Variants in MYO1D observed in about 807,000 individuals in gnomAD.
MYO1D encodes unconventional myosin-Id.
MYO1D carries 83 observed loss-of-function variants against 122.0 expected under a neutral mutation model. The observed-to-expected ratio is 0.68, with a 90% CI of 0.57 to 0.82. The LOEUF (loss-of-function observed/expected upper bound fraction) is 0.82. Ranked by LOEUF, MYO1D falls within the 40% of genes least tolerant of loss-of-function variation. The pLI, the probability that MYO1D is intolerant of heterozygous loss-of-function variation, is 0.00. For missense variants in MYO1D, 1,157 were observed against 1,269.5 expected, an observed-to-expected ratio of 0.91 and a Z score of 1.35; for synonymous variants, 464 against 446.9, an observed-to-expected ratio of 1.04 and a Z score of -0.48.
At chr17:32,678,834 A>C (rs2088864191) in intron 16 of MYO1D, among the ~76,000 whole-genome samples, 1 of 151,082 alleles carries the variant, frequency 6.6e-6, no homozygotes, top group Non-Finnish European at 1.5e-5. Flanking sequence ...GAATTGCCAC[A>C]CTGACTTCCA....
At chr17:32,823,218 G>C (rs1311651759) in intron 1 of MYO1D, among the ~76,000 whole-genome samples, 1 of 152,042 alleles carries the variant, frequency 6.6e-6, no homozygotes, top group East Asian at 1.9e-4. Context: ...GTTGGAGGTG[G>C]AGTAACTATC....
At position 32,748,942 on chromosome 17, in the gene MYO1D, T is replaced by A; in HGVS notation, c.1532A>T (p.Asp511Val). 6.2e-7 allele frequency: 1 copy of A among 1,613,122 alleles called. No homozygotes were observed. The highest frequency in any genetic ancestry group is 8.5e-7 in the Non-Finnish European group (1 of 1,179,112). Residue 511 changes from aspartate to valine, a missense_variant, in exon 12 of 22, where the codon GAT (aspartate) becomes GTT (valine). Asp to Val is a radical substitution (Grantham distance 152, BLOSUM62 -3). Coordinates refer to ENST00000318217, the MANE Select transcript of MYO1D (RefSeq NM_015194.3). ...RDFRIRHYAG[D>V]VVYSVIGFID... ...ACCAAGGTAAGATACTCACACTACA[T>A]CGCCTGCATAATGTCGAATTCGAAA... is the stretch of plus-strand genomic sequence containing the variant.
At chr17:32,851,936 C>A (rs2090993210) in intron 1 of MYO1D, among the ~76,000 whole-genome samples, 1 of 152,160 alleles carries the variant, frequency 6.6e-6, no homozygotes, top group African/African-American at 2.4e-5. Context: ...GGGTTGGGAC[C>A]CCTGATCTAC....
At position 32,698,305 on chromosome 17, in the gene MYO1D, TC is replaced by T. The variant is rs1292723110; in HGVS notation, c.2121+13682del. 5.7e-3 allele frequency among the ~76,000 whole-genome samples: 318 copies of T among 55,844 alleles called. 10 individuals are homozygous for T. The highest frequency in any genetic ancestry group is 0.022 in the African/African-American group (291 of 13,528). 36.6% of individuals were successfully genotyped at this position (55,844 alleles called of 152,430 possible). On this transcript the variant is annotated intron_variant, in intron 16 of 21. Coordinates refer to ENST00000318217, the MANE Select transcript of MYO1D (RefSeq NM_015194.3). ...TCCTCCCTCCCTTCCCCCCTCTCCCTCCCCCTTCCCTCCTTCCTTCCTTCTT... is the reference window on the plus strand; with the variant it reads ...TCCTCCCTCCCTTCCCCCCTCTCCCTCCCCTTCCCTCCTTCCTTCCTTCTT...
intron 1 of MYO1D, among the ~76,000 whole-genome samples, chr17:32,795,523 T>C (rs1044694713): frequency 4.6e-5 from 7 of 152,090 alleles, no homozygotes; most frequent in Non-Finnish European, 5.9e-5. Context: ...AAACGTTAAC[T>C]ACTAAGGTCT....
At chr17:32,638,188 A>C (rs148926727) in intron 20 of MYO1D, among the ~76,000 whole-genome samples, 8 of 152,234 alleles carry the variant, frequency 5.3e-5, no homozygotes, top group African/African-American at 9.6e-5. Flanking sequence ...GATACCCACG[A>C]AATTTCGTAT....
intron 19 of MYO1D, 116 bp downstream of exon 19, chr17:32,653,727 C>G: frequency 1.3e-6 from 1 of 783,010 alleles, no homozygotes; most frequent in Non-Finnish European, 2.1e-6. Context: ...GTCTAGTGAA[C>G]TGATGATGAA....
chr17:32,620,284 T>C (rs974837498), intron 20 of MYO1D, among the ~76,000 whole-genome samples: 3 of 152,188 alleles, frequency 2.0e-5, no homozygotes, highest in Non-Finnish European at 4.4e-5. Flanking sequence ...GGTACCTCTT[T>C]ACTGCCAGGT....
At chr17:32,823,459 C>A (rs1270801755) in intron 1 of MYO1D, among the ~76,000 whole-genome samples, 1 of 152,078 alleles carries the variant, frequency 6.6e-6, no homozygotes, top group East Asian at 1.9e-4. Flanking sequence ...TAGCAAGTGG[C>A]TAAGTCTGAA....
At chr17:32,589,890 C>T (rs947253140) in intron 21 of MYO1D, among the ~76,000 whole-genome samples, 1 of 152,216 alleles carries the variant, frequency 6.6e-6, no homozygotes, top group Non-Finnish European at 1.5e-5. Flanking sequence ...TGAGGTTTAA[C>T]ACCTGCCTTT....
intron 21 of MYO1D, among the ~76,000 whole-genome samples, chr17:32,516,546 G>T (rs1909897162): frequency 6.6e-6 from 1 of 152,182 alleles, no homozygotes; most frequent in South Asian, 2.1e-4. Flanking sequence ...TCACCAATTG[G>T]ATTTGAGAGC....
In MYO1D at chr17:32,755,527, T is replaced by C. The variant is rs762595412; in HGVS notation, c.1432A>G (p.Lys478Glu). The part of the protein sequence containing the change: ...DEMFLEALNS[K>E]LGKHAHFSSR... Reference sequence around the variant, plus strand: ...GAAAAATGGGCGTGTTTGCCCAATTTACTGTTAAGTGCTTCAAGAAACATT... The same window carrying C: ...GAAAAATGGGCGTGTTTGCCCAATTCACTGTTAAGTGCTTCAAGAAACATT... Residue 478 changes from lysine to glutamate, a missense_variant, in exon 11 of 22, where the codon AAA becomes GAA. Physicochemically the swap from Lys to Glu is moderately conservative, Grantham distance 56. Coordinates refer to ENST00000318217, the MANE Select transcript of MYO1D (RefSeq NM_015194.3). 1.4e-5 allele frequency: 23 copies of C among 1,613,984 alleles called. No individual in the cohort carries two copies. In the South Asian group the frequency reaches 2.5e-4, roughly 18 times the overall value.
intron 21 of MYO1D, among the ~76,000 whole-genome samples, chr17:32,542,189 T>G (rs1910855589): frequency 6.6e-6 from 1 of 151,984 alleles, no homozygotes; most frequent in East Asian, 1.9e-4. Flanking sequence ...TGAAAAAGAG[T>G]AAGAAATCGA....
At chr17:32,844,142 T>C (rs1047861264) in intron 1 of MYO1D, among the ~76,000 whole-genome samples, 6 of 149,478 alleles carry the variant, frequency 4.0e-5, no homozygotes, top group African/African-American at 1.2e-4. Flanking sequence ...ACACAACAAG[T>C]AACATATAAA....
At chr17:32,557,641 G>C (rs1269845136) in intron 21 of MYO1D, among the ~76,000 whole-genome samples, 7 of 151,604 alleles carry the variant, frequency 4.6e-5, no homozygotes, top group Non-Finnish European at 8.8e-5. Context: ...CCAGTAGCTG[G>C]GACTACAGGA....
At position 32,665,046 on chromosome 17, in the gene MYO1D, G is replaced by A. The variant is rs1047935276; in HGVS notation, c.2122-5708C>T. On this transcript the variant is annotated intron_variant, in intron 16 of 21. Coordinates refer to ENST00000318217, the MANE Select transcript of MYO1D (RefSeq NM_015194.3). ...ACAGGCCAGGCATCCTCTTGTCTCA[G>A]GGCTTTTGTGCTAGTTGCTCCCTCT... Among the ~76,000 whole-genome samples the A allele has an allele frequency of 3.3e-5, 5 of 152,212 alleles. No individual in the cohort carries two copies. The East Asian group carries it at 9.7e-4, about 29-fold the overall frequency.
chr17:32,582,516 G>C (rs115209463), intron 21 of MYO1D, among the ~76,000 whole-genome samples: 566 of 152,218 alleles, frequency 3.7e-3, no homozygotes, highest in African/African-American at 0.013. Context: ...CATTATGGCA[G>C]AGATTTTGAA....
chr17:32,778,616 C>T, intron 2 of MYO1D, 43 bp from the exon 3 acceptor site: 1 of 1,502,716 alleles, frequency 6.7e-7, no homozygotes, highest in African/African-American at 1.4e-5. Flanking sequence ...ATAATTTAAA[C>T]CAAGAGTAAG....
chr17:32,671,674 A>C (rs1326962096), intron 16 of MYO1D, among the ~76,000 whole-genome samples: 3 of 152,148 alleles, frequency 2.0e-5, no homozygotes, highest in Non-Finnish European at 2.9e-5. Context: ...AATATTGGTG[A>C]GTATATATAA....
Sources: gnomAD v4.1 joint callset for allele counts (sites outside exome capture counted in the v4.1 genomes callset) on GRCh38, gnomAD v4.1.1 for gene constraint, MANE v1.5 for transcripts, NCBI Gene and HGNC (gene_info 2026-07-23, HGNC 2026-07-21) for gene names.